Variants in MEGF11 observed in about 807,000 individuals in gnomAD.
The protein encoded by MEGF11 is multiple epidermal growth factor-like domains protein 11.
In MEGF11, 126 loss-of-function variants were observed where a neutral mutation model predicts 146.6. That is an observed-to-expected ratio of 0.86 (90% CI 0.74 to 1.00). MEGF11 has a LOEUF of 1.00. MEGF11 is among the 50% of genes least tolerant of loss of function. MEGF11 has a pLI of 0.00. For synonymous variants in MEGF11, 532 were observed against 583.4 expected (o/e 0.91, Z 1.27); for missense variants, 1,509 against 1,521.2 (o/e 0.99, Z 0.13).
chr15:66,047,044 C>T (rs1352539547), intron 5 of MEGF11, among the ~76,000 whole-genome samples: 1 of 152,208 alleles, frequency 6.6e-6, no homozygotes, highest in Non-Finnish European at 1.5e-5. Flanking sequence ...AAGTTCACCT[C>T]TCAGCAGATT....
chr15:66,162,613 C>CA (rs1214249804), intron 1 of MEGF11, among the ~76,000 whole-genome samples: 16 of 151,578 alleles, frequency 1.1e-4, no homozygotes, highest in African/African-American at 2.9e-4. Context: ...CAAAACAAAA[C>CA]AAAAAAAACA....
intron 3 of MEGF11, among the ~76,000 whole-genome samples, chr15:66,121,654 C>T (rs972304159): frequency 1.3e-5 from 2 of 152,068 alleles, no homozygotes. Flanking sequence ...CAGGGTGGAC[C>T]CAGCAGGTAG....
intron 1 of MEGF11, among the ~76,000 whole-genome samples, chr15:66,133,646 T>C (rs1220217051): frequency 6.6e-6 from 1 of 152,078 alleles, no homozygotes; most frequent in East Asian, 1.9e-4. Flanking sequence ...GCCTGATTAG[T>C]GCGAGATGAA....
intron 9 of MEGF11, among the ~76,000 whole-genome samples, chr15:65,958,319 C>T (rs2080730649): frequency 6.6e-6 from 1 of 152,242 alleles, no homozygotes; most frequent in African/African-American, 2.4e-5. Context: ...AGCTCTTCTC[C>T]ATCTCCTGTT....
At chr15:66,149,343 C>T (rs1350025025) in intron 1 of MEGF11, among the ~76,000 whole-genome samples, 3 of 152,210 alleles carry the variant, frequency 2.0e-5, no homozygotes, top group African/African-American at 7.2e-5. Flanking sequence ...TTGACCGTCA[C>T]TTGATCTCTC....
At chr15:66,053,998 T>C (rs1256680491) in intron 5 of MEGF11, among the ~76,000 whole-genome samples, 1 of 152,008 alleles carries the variant, frequency 6.6e-6, no homozygotes, top group Non-Finnish European at 1.5e-5. Flanking sequence ...GCTGGGATTA[T>C]AGATTTGAGC....
chr15:66,047,032 T>C (rs553168617), intron 5 of MEGF11, among the ~76,000 whole-genome samples: 85 of 152,290 alleles, frequency 5.6e-4, no homozygotes, highest in African/African-American at 2.0e-3. Context: ...GCACATCCCA[T>C]GAAGTTCACC....
At chr15:66,047,080 C>CA (rs1480537321) in intron 5 of MEGF11, among the ~76,000 whole-genome samples, 2 of 152,344 alleles carry the variant, frequency 1.3e-5, no homozygotes, top group East Asian at 3.9e-4. Context: ...GAAAGGGAGC[C>CA]ACATCAGGTG....
intron 5 of MEGF11, among the ~76,000 whole-genome samples, chr15:66,061,449 C>T (rs1325248393): frequency 1.3e-5 from 2 of 148,836 alleles, no homozygotes; most frequent in African/African-American, 5.2e-5. Flanking sequence ...GAGTGTGGGG[C>T]ATGGCTCCAG....
chr15:66,215,660 A>G (rs1477264124), intron 1 of MEGF11, among the ~76,000 whole-genome samples: 1 of 152,166 alleles, frequency 6.6e-6, no homozygotes, highest in Non-Finnish European at 1.5e-5. Context: ...ACAAGATTGA[A>G]ATGGGGAACA....
chr15:66,195,903 G>A (rs889315066), intron 1 of MEGF11, among the ~76,000 whole-genome samples: 1 of 152,236 alleles, frequency 6.6e-6, no homozygotes, highest in African/African-American at 2.4e-5. Flanking sequence ...AGGGGCTGGA[G>A]TAAGACGTGG....
intron 1 of MEGF11, among the ~76,000 whole-genome samples, chr15:66,132,663 T>C: frequency 6.6e-6 from 1 of 152,158 alleles, no homozygotes; most frequent in Non-Finnish European, 1.5e-5. Context: ...TGGGAAAGCT[T>C]GCCAGGATTG....
chr15:65,952,482 A>G (rs2080442877), intron 10 of MEGF11, among the ~76,000 whole-genome samples: 1 of 152,146 alleles, frequency 6.6e-6, no homozygotes, highest in African/African-American at 2.4e-5. Flanking sequence ...CCTCACAAAG[A>G]CAGGTATTTC....
intron 1 of MEGF11, among the ~76,000 whole-genome samples, chr15:66,182,538 T>C (rs1261361706): frequency 6.6e-6 from 1 of 152,174 alleles, no homozygotes; most frequent in Middle Eastern, 3.2e-3. Flanking sequence ...GGTGCAACAC[T>C]GAGCTCCCTG....
At chr15:66,101,826 T>G (rs1448034211) in intron 4 of MEGF11, among the ~76,000 whole-genome samples, 1 of 152,142 alleles carries the variant, frequency 6.6e-6, no homozygotes, top group Non-Finnish European at 1.5e-5. Flanking sequence ...GGCAAAATGC[T>G]CTTTAGAAAA....
At chr15:66,122,950 A>G (rs1800912019) in intron 3 of MEGF11, among the ~76,000 whole-genome samples, 1 of 151,772 alleles carries the variant, frequency 6.6e-6, no homozygotes, top group African/African-American at 2.4e-5. Context: ...CGCCCGGCTA[A>G]TTTTTTGTAT....
intron 24 of MEGF11, among the ~76,000 whole-genome samples, chr15:65,903,101 A>G (rs2078534866): frequency 6.6e-6 from 1 of 152,114 alleles, no homozygotes; most frequent in African/African-American, 2.4e-5. Flanking sequence ...AGATAGGAGG[A>G]GGAGGTCTTG....
chr15:66,232,298 T>A (rs534669343), intron 1 of MEGF11, among the ~76,000 whole-genome samples: 11 of 152,180 alleles, frequency 7.2e-5, no homozygotes, highest in African/African-American at 2.6e-4. Flanking sequence ...CATTTCCCAT[T>A]ATCTTCTCTC....
chr15:65,915,609 CAA>C lies in MEGF11; in HGVS notation c.2345-13_2345-12del. 6.2e-7 allele frequency: 1 copy of C among 1,613,400 alleles called. No homozygotes were observed. Among genetic ancestry groups the C allele is most frequent in the East Asian group, 2.2e-5 (1 of 44,876 alleles). Reference sequence around the variant, plus strand: ...TTCCTGGGGCACATCCTGTGTGGCACAAAGAGTTAGGGTAGAGGACCCACTCA... The same window carrying C: ...TTCCTGGGGCACATCCTGTGTGGCACAGAGTTAGGGTAGAGGACCCACTCA... On this transcript the variant is annotated splice_polypyrimidine_tract_variant and intron_variant, in intron 18 of 25. Coordinates refer to ENST00000395614, the MANE Select transcript of MEGF11 (RefSeq NM_001385028.1).
Sources: allele counts gnomAD v4.1 joint callset (sites outside exome capture counted in the v4.1 genomes callset), GRCh38; gene constraint gnomAD v4.1.1; transcripts MANE v1.5; gene names NCBI Gene and HGNC (gene_info 2026-07-23, HGNC 2026-07-21).